THAP12: variants seen among roughly 807,000 people sequenced by gnomAD.
THAP12 encodes the protein THAP domain containing 12.
In THAP12, 20 loss-of-function variants were observed where a neutral mutation model predicts 63.0. The observed-to-expected ratio is 0.32, with a 90% CI of 0.22 to 0.46. The LOEUF is 0.46. Among genes scored for constraint, THAP12 ranks in the 20% least tolerant of loss-of-function variants. The pLI is 1.00. For synonymous variants in THAP12, 264 were observed against 328.4 expected, an observed-to-expected ratio of 0.80 and a Z score of 2.12; for missense variants, 568 against 908.2, an observed-to-expected ratio of 0.63 and a Z score of 4.81.
At chr11:76,380,355 G>A (rs1287829868) in intron 1 of THAP12, among the ~76,000 whole-genome samples, 1 of 152,164 alleles carries the variant, frequency 6.6e-6, no homozygotes, top group East Asian at 1.9e-4. Flanking sequence ...AGGCCCCAGT[G>A]GCCACAACCA....
intron 2 of THAP12, among the ~76,000 whole-genome samples, chr11:76,362,934 G>A (rs1045669238): frequency 1.3e-5 from 2 of 152,184 alleles, no homozygotes; most frequent in Non-Finnish European, 2.9e-5. Flanking sequence ...CTTGACCCCA[G>A]GAGTTCAAGA....
intron 3 of THAP12, chr11:76,358,991 T>A (rs1282670117): frequency 3.3e-5 from 5 of 152,108 alleles, no homozygotes; most frequent in African/African-American, 1.2e-4. Flanking sequence ...CAGAAAAAAT[T>A]AAAATAATAA....
intron 2 of THAP12, among the ~76,000 whole-genome samples, chr11:76,363,370 T>C (rs1946610673): frequency 6.9e-6 from 1 of 145,068 alleles, no homozygotes. Flanking sequence ...TGATGAAATC[T>C]TTTTTTTTTT....
At chr11:76,377,962 T>C (rs1177741775) in intron 1 of THAP12, among the ~76,000 whole-genome samples, 1 of 152,244 alleles carries the variant, frequency 6.6e-6, no homozygotes, top group Non-Finnish European at 1.5e-5. Context: ...GTTCTTTATA[T>C]ATTCTGGATA....
At chr11:76,368,484 C>G (rs1023432320) in intron 1 of THAP12, 2 of 151,914 alleles carry the variant, frequency 1.3e-5, no homozygotes, top group Non-Finnish European at 2.9e-5. Flanking sequence ...CATTAAAGAA[C>G]CAGGGATAAC....
intron 2 of THAP12, among the ~76,000 whole-genome samples, chr11:76,363,515 G>GAGAT (rs1946611609): frequency 6.6e-6 from 1 of 152,122 alleles, no homozygotes; most frequent in Non-Finnish European, 1.5e-5. Context: ...TGCTACTGAT[G>GAGAT]AGATCTTCAA....
In THAP12 at chr11:76,351,822, G is replaced by A; in HGVS notation, c.1328C>T (p.Ala443Val). 3.1e-6 allele frequency: 5 copies of A among 1,602,384 alleles called. No individual in the cohort carries two copies. The highest frequency in any genetic ancestry group is 4.3e-6 in the Non-Finnish European group (5 of 1,174,946). ...AFEILVELLQ[A>V]LVLCLDGINS... ...TATACCATCTAAACATAAAACAAGT[G>A]CTTGCAGGAGTTCCACTAAAATTTC... Residue 443 changes from alanine (A) to valine (V), a missense_variant, in exon 5 of 5, where the codon GCA becomes GTA. Ala to Val is a moderately conservative substitution (Grantham distance 64). Coordinates refer to ENST00000260045, the MANE Select transcript of THAP12 (RefSeq NM_004705.4).
chr11:76,379,906 G>C (rs1360395664), intron 1 of THAP12, among the ~76,000 whole-genome samples: 3 of 152,178 alleles, frequency 2.0e-5, no homozygotes, highest in Non-Finnish European at 4.4e-5. Flanking sequence ...GTCGCCCGTT[G>C]CTGCACCTGT....
intron 1 of THAP12, among the ~76,000 whole-genome samples, chr11:76,378,619 C>A (rs971273755): frequency 7.0e-6 from 1 of 142,912 alleles, no homozygotes; most frequent in African/African-American, 2.6e-5. Context: ...TTCATCTATT[C>A]TTTCTTTCTT....
In THAP12 at chr11:76,376,686, A is replaced by G. The variant is rs367555522; in HGVS notation, c.89+4062T>C. Among the ~76,000 whole-genome samples the G allele has an allele frequency of 1.8e-4, 27 of 148,326 alleles. No individual in the cohort carries two copies. In the East Asian group the frequency reaches 2.2e-3, roughly 12 times the overall value. ...GATTCTCAAAAGGGATAATAACCCT[A>G]AAAATGATAAAAGTCACTATTATTG... On this transcript the variant is annotated intron_variant, in intron 1 of 4. Transcript: ENST00000260045.
At chr11:76,352,829 C>G (rs778791921) in intron 4 of THAP12, 35 bp from the exon 5 acceptor site, 18 of 1,500,510 alleles carry the variant, frequency 1.2e-5, no homozygotes, top group Admixed American at 4.9e-5. Context: ...CAAACAGGCT[C>G]ATGAAAAACC....
chr11:76,379,993 C>A (rs1184865988), intron 1 of THAP12, among the ~76,000 whole-genome samples: 2 of 152,194 alleles, frequency 1.3e-5, no homozygotes, highest in African/African-American at 4.8e-5. Flanking sequence ...CTAACATTTG[C>A]GCTCGGCACA....
intron 1 of THAP12, among the ~76,000 whole-genome samples, chr11:76,372,203 C>T (rs1257863487): frequency 6.6e-6 from 1 of 152,150 alleles, no homozygotes; most frequent in African/African-American, 2.4e-5. Context: ...ATCCTCCCGC[C>T]TAAACCTCAC....
At chr11:76,377,416 C>T (rs913264689) in intron 1 of THAP12, among the ~76,000 whole-genome samples, 4 of 152,188 alleles carry the variant, frequency 2.6e-5, no homozygotes, top group African/African-American at 7.2e-5. Context: ...CTCTCCCTTT[C>T]GCCCAGCCCC....
In THAP12 at chr11:76,380,754, G is replaced by C; in HGVS notation, c.83C>G (p.Pro28Arg). The change falls in exon 1 of 5, where the codon CCT becomes CGT. Residue 28 changes from proline (P) to arginine (R), a missense_variant. Pro to Arg is a moderately radical substitution (Grantham distance 103). Coordinates refer to ENST00000260045, the MANE Select transcript of THAP12 (RefSeq NM_004705.4). ...CTCTGCGCCCGCCGCTTACCTGGCA[G>C]GGTCCCGCGGGAACCTGAAGAAGGC... ...DLAFFRFPRD[P>R]ARCQKWVENC... The C allele has an allele frequency of 2.8e-6, 4 of 1,450,378 alleles. No individual in the cohort carries two copies. Among genetic ancestry groups the C allele is most frequent in the Non-Finnish European group, 3.7e-6 (4 of 1,093,990 alleles). 89.8% of individuals were successfully genotyped at this position (1,450,378 alleles called of 1,614,324 possible). A position where few individuals can be genotyped will look rare whatever the true frequency, so the allele number is the denominator to read the frequency against.
At position 76,351,753 on chromosome 11, in the gene THAP12, C is replaced by T. The variant is rs770624498; in HGVS notation, c.1397G>A (p.Arg466Gln). ...NIRWNNYIAG[R>Q]AFVLCSAVSD... ...CACTGCACTGCAGAGTACAAATGCT[C>T]GGCCAGCTATATAGTTATTCCATCT... Residue 466 changes from arginine to glutamine, a missense_variant, in exon 5 of 5, where the codon CGA becomes CAA. Arg to Gln is a conservative substitution (Grantham distance 43). Coordinates refer to ENST00000260045, the MANE Select transcript of THAP12 (RefSeq NM_004705.4). 7.4e-6 allele frequency: 12 copies of T among 1,613,328 alleles called. No individual in the cohort carries two copies. Among genetic ancestry groups the T allele is most frequent in the Middle Eastern group, 3.3e-4 (2 of 6,076 alleles).
intron 3 of THAP12, among the ~76,000 whole-genome samples, chr11:76,360,444 C>T (rs1946590795): frequency 6.6e-6 from 1 of 152,170 alleles, no homozygotes. Flanking sequence ...TGTCAATCCT[C>T]AGAACTGAAG....
rs1347279005 is a variant in THAP12 at position 76,371,183 on chromosome 11, G to A, written c.90-5211C>T. 1.3e-3 allele frequency among the ~76,000 whole-genome samples: 202 copies of A among 152,274 alleles called. 1 individual carries two copies. The highest frequency in any genetic ancestry group is 4.6e-3 in the African/African-American group (191 of 41,536). On this transcript the variant is annotated intron_variant, in intron 1 of 4. Transcript: ENST00000260045. ...TCTCTAACCCCTTCTCCGTGCTGCA[G>A]AGCATTTTTTAAAGCCAATTTGAGA...
At chr11:76,365,356 A>AGTTTTGTTTTGTTTT (rs201045167) in intron 2 of THAP12, among the ~76,000 whole-genome samples, 1 of 150,754 alleles carries the variant, frequency 6.6e-6, no homozygotes, top group Non-Finnish European at 1.5e-5. Flanking sequence ...GGAACCGAAG[A>AGTTTTGTTTTGTTTT]GTTTTGTTTT....
Sources: gnomAD v4.1 joint callset for allele counts (sites outside exome capture counted in the v4.1 genomes callset) on GRCh38, gnomAD v4.1.1 for gene constraint, MANE v1.5 for transcripts, NCBI Gene and HGNC (gene_info 2026-07-23, HGNC 2026-07-21) for gene names.